Variants in CUL9 observed in about 807,000 individuals in gnomAD.
CUL9 encodes the protein cullin-9.
In CUL9, 79 loss-of-function variants were observed where a neutral mutation model predicts 272.6. That is an observed-to-expected ratio of 0.29 (90% confidence interval 0.24 to 0.35). The LOEUF (loss-of-function observed/expected upper bound fraction) is 0.35. Ranked by LOEUF, CUL9 falls within the 10% of genes least tolerant of loss-of-function variation. CUL9 has a pLI of 1.00. For synonymous variants in CUL9, 1,186 were observed against 1,286.5 expected (o/e 0.92, Z 1.67); for missense variants, 2,532 against 3,255.6 (o/e 0.78, Z 5.41).
intron 26 of CUL9, among the ~76,000 whole-genome samples, chr6:43,212,224 C>T (rs551608437): frequency 6.6e-6 from 1 of 152,220 alleles, no homozygotes; most frequent in Non-Finnish European, 1.5e-5. Flanking sequence ...CACCAGGAGG[C>T]AGGTTCAGCC....
chr6:43,193,955 T>C (rs1773758464), intron 9 of CUL9, among the ~76,000 whole-genome samples: 1 of 152,222 alleles, frequency 6.6e-6, no homozygotes, highest in Non-Finnish European at 1.5e-5. Flanking sequence ...AGTGGCACCC[T>C]TACATAGAAA....
chr6:43,200,770 G>A lies in CUL9; in HGVS notation c.3583G>A (p.Glu1195Lys). ...GGACCACAACCCCAAGACCTACTGG[G>A]AGTCCAACGGCAGCACCGGCTCCCA... ...LTDHNPKTYWESNGSTGSHYI... is the reference protein window; with the variant it reads ...LTDHNPKTYWKSNGSTGSHYI... Residue 1195 changes from glutamate (E) to lysine (K), a missense_variant, in exon 16 of 41, where the codon GAG becomes AAG. Around this residue, in one of 3 missense-constraint regions of CUL9, gnomAD observed 2,218 missense variants for 2,788.6 expected, o/e 0.80. Transcript: ENST00000252050. The surrounding 1 kb of genome is among the most constrained non-coding windows in gnomAD (Gnocchi z 4.0). 6.2e-7 allele frequency: 1 copy of A among 1,614,174 alleles called. No homozygotes were observed. The highest frequency in any genetic ancestry group is 8.5e-7 in the Non-Finnish European group (1 of 1,180,032).
At chr6:43,191,252 T>TTGTGTGTGTGTGTGTGTGTGTGTGTGTG (rs58122260) in intron 8 of CUL9, among the ~76,000 whole-genome samples, 1 of 126,974 alleles carries the variant, frequency 7.9e-6, no homozygotes, top group Non-Finnish European at 1.6e-5. Flanking sequence ...CTAAATTGCA[T>TTGTGTGTGTGTGTGTGTGTGTGTGTGTG]TGTGTGTGTG....
Position 43,213,363 on chromosome 6 carries a change from C to T in CUL9, c.5358+69C>T, listed in dbSNP as rs766818545. 12 of 1,610,482 alleles carry T rather than the reference C, an allele frequency of 7.5e-6. No individual in the cohort carries two copies. Among genetic ancestry groups the T allele is most frequent in the Non-Finnish European group, 1.0e-5 (12 of 1,177,326 alleles). The stretch of plus-strand genomic sequence containing the variant: ...TCTGTCGCTGTTCTCCTCCTAAACC[C>T]TGTTCCTCCTTCATCCTTACTCCCC... On this transcript the variant is annotated intron_variant, in intron 27 of 40. Coordinates refer to ENST00000252050, the MANE Select transcript of CUL9 (RefSeq NM_015089.4). The surrounding 1 kb of genome is among the most constrained non-coding windows in gnomAD (Gnocchi z 5.7).
rs1330332859 is a variant in CUL9 at position 43,202,158 on chromosome 6, G to A, written c.3648-558G>A. 3.3e-5 allele frequency among the ~76,000 whole-genome samples: 5 copies of A among 152,350 alleles called. No homozygotes were observed. In the East Asian group the frequency reaches 9.6e-4, roughly 29 times the overall value. On this transcript the variant is annotated intron_variant, in intron 16 of 40. Transcript: ENST00000252050. Reference sequence around the variant, plus strand: ...TGAAGGCCTCAGTGACAGTATTCTAGTTGAGTACTGAGTGCACGGAAGTTT... The same window carrying A: ...TGAAGGCCTCAGTGACAGTATTCTAATTGAGTACTGAGTGCACGGAAGTTT...
Position 43,203,028 on chromosome 6 carries a change from CG to C in CUL9, c.3754-80del. On this transcript the variant is annotated intron_variant, in intron 17 of 40. Coordinates refer to ENST00000252050, the MANE Select transcript of CUL9 (RefSeq NM_015089.4). This position sits in a 1 kb window ranked among gnomAD's most constrained non-coding sequence, Gnocchi z 5.0. The stretch of plus-strand genomic sequence containing the variant: ...AGAAGTGAAGGGCACACACCATGAC[CG>C]ACTTGGTTACTGTCAACAATTTTTC... 1 of 1,487,540 alleles carries C rather than the reference CG, an allele frequency of 6.7e-7. No homozygotes were observed. Among genetic ancestry groups the C allele is most frequent in the Non-Finnish European group, 9.4e-7 (1 of 1,068,898 alleles). The allele number at this position is 1,487,540 out of a possible 1,614,324, so 92.1% of individuals were successfully genotyped here. A position where few individuals can be genotyped will look rare whatever the true frequency, so the allele number is the denominator to read the frequency against.
In CUL9 at chr6:43,206,463, C is replaced by A. The variant is rs764353684; in HGVS notation, c.5165C>A (p.Thr1722Lys). Residue 1722 changes from threonine (T) to lysine (K), a missense_variant, in exon 26 of 41, where the codon ACA becomes AAA. Thr to Lys is a moderately conservative substitution (Grantham distance 78, BLOSUM62 -1). Around this residue, in one of 3 missense-constraint regions of CUL9, gnomAD observed 2,218 missense variants for 2,788.6 expected, o/e 0.80. Coordinates refer to ENST00000252050, the MANE Select transcript of CUL9 (RefSeq NM_015089.4). The surrounding 1 kb of genome is among the most constrained non-coding windows in gnomAD (Gnocchi z 4.8). ...YLYHPRKCLPTEFCDALDRFS... is the reference protein window; with the variant it reads ...YLYHPRKCLPKEFCDALDRFS... ...TACCATCCCAGAAAGTGCCTTCCCA[C>A]AGAATTCTGTGATGCCCTTGACCGT... The A allele has an allele frequency of 3.7e-6, 6 of 1,614,238 alleles. No individual in the cohort carries two copies. In the Admixed American group the frequency reaches 8.3e-5, roughly 22 times the overall value.
rs750500338 is a variant in CUL9, at chr6:43,186,029, C to T, written c.825C>T (p.Ser275=). ...CGTCCCTCCTGGATCAGCTGAATAG[C>T]AGTCCAGAGCTGGGAGCTGGAGACC... The part of the protein sequence containing the change: ...CVTSLLDQLN[S]SPELGAGDQS... The change falls in exon 4 of 41, where the codon AGC becomes AGT. Residue 275 remains serine (S), a synonymous_variant. Transcript: ENST00000252050. The T allele has an allele frequency of 6.2e-7, 1 of 1,614,228 alleles. No homozygotes were observed. Among genetic ancestry groups the T allele is most frequent in the South Asian group, 1.1e-5 (1 of 91,088 alleles).
In CUL9 at chr6:43,206,240, G is replaced by T. The variant is rs2150591720; in HGVS notation, c.5022+5G>T. 1 of 1,612,300 alleles carries T rather than the reference G, an allele frequency of 6.2e-7. No homozygotes were observed. Among genetic ancestry groups the T allele is most frequent in the Non-Finnish European group, 8.5e-7 (1 of 1,179,046 alleles). On this transcript the variant is annotated splice_donor_5th_base_variant and intron_variant, in intron 25 of 40. Coordinates refer to ENST00000252050, the MANE Select transcript of CUL9 (RefSeq NM_015089.4). The surrounding 1 kb of genome is among the most constrained non-coding windows in gnomAD (Gnocchi z 4.8). Reference sequence around the variant, plus strand: ...AAGAGACTAGAGGAAGAGGAGGTAAGAGCAGGGAGAATAGGAGAGTGAGAG... The same window carrying T: ...AAGAGACTAGAGGAAGAGGAGGTAATAGCAGGGAGAATAGGAGAGTGAGAG...
Position 43,203,043 on chromosome 6 carries a change from C to T in CUL9, c.3754-66C>T. The T allele has an allele frequency of 6.4e-7, 1 of 1,562,042 alleles. No homozygotes were observed. On this transcript the variant is annotated intron_variant, in intron 17 of 40. Coordinates refer to ENST00000252050, the MANE Select transcript of CUL9 (RefSeq NM_015089.4). This position sits in a 1 kb window ranked among gnomAD's most constrained non-coding sequence, Gnocchi z 5.0. ...ACACCATGACCGACTTGGTTACTGT[C>T]AACAATTTTTCCAACCTTGTTTCTG...
chr6:43,188,834 C>T (rs943770584), intron 8 of CUL9, 119 bp downstream of exon 8: 2 of 808,086 alleles, frequency 2.5e-6, no homozygotes, highest in East Asian at 2.6e-5. Context: ...AAGGCTCAGC[C>T]TGAGGAGCAG....
At position 43,198,683 on chromosome 6, in the gene CUL9, T is replaced by A. The variant is rs1562030998; in HGVS notation, c.2878T>A (p.Ser960Thr). 6.2e-7 allele frequency: 1 copy of A among 1,614,192 alleles called. No homozygotes were observed. The highest frequency in any genetic ancestry group is 1.7e-5 in the Admixed American group (1 of 60,026). ...GATTCGATCCCTGGTTGGGGGCCCA[T>A]CTGCAGAACTACTCCTGGACTTGGA... is the stretch of plus-strand genomic sequence containing the variant. ...LLIRSLVGGP[S>T]AELLLDLERV... Residue 960 changes from serine to threonine, a missense_variant, in exon 12 of 41, where the codon TCT becomes ACT. Ser to Thr is a moderately conservative substitution (Grantham distance 58). Coordinates refer to ENST00000252050, the MANE Select transcript of CUL9 (RefSeq NM_015089.4).
At chr6:43,219,865 G>A (rs1776205265) in intron 31 of CUL9, among the ~76,000 whole-genome samples, 1 of 152,218 alleles carries the variant, frequency 6.6e-6, no homozygotes, top group Non-Finnish European at 1.5e-5. Context: ...GGATGGGGGA[G>A]TGACATGGGA....
rs1296159716 is a variant in CUL9 at position 43,220,580 on chromosome 6, C to T, written c.6404C>T (p.Ser2135Leu). ...TGAFIRAIVS[S>L]PEVISKYEKA... ...GCCTTCATTCGTGCCATCGTCTCCT[C>T]GCCAGAGGTCATCTCCAAGGTATCC... The change falls in exon 32 of 41, where the codon TCG (serine) becomes TTG (leucine). Residue 2135 changes from serine (S) to leucine (L), a missense_variant. Physicochemically the swap from Ser to Leu is moderately radical, Grantham distance 145. Coordinates refer to ENST00000252050, the MANE Select transcript of CUL9 (RefSeq NM_015089.4). This position sits in a 1 kb window ranked among gnomAD's most constrained non-coding sequence, Gnocchi z 4.9. The T allele has an allele frequency of 9.3e-6, 15 of 1,614,116 alleles. No individual in the cohort carries two copies. Among genetic ancestry groups the T allele is most frequent in the South Asian group, 2.2e-5 (2 of 91,076 alleles).
At position 43,196,762 on chromosome 6, in the gene CUL9, A is replaced by T; in HGVS notation, c.2703A>T (p.Ser901=). 6.2e-7 allele frequency: 1 copy of T among 1,614,206 alleles called. No individual in the cohort carries two copies. The highest frequency in any genetic ancestry group is 2.2e-5 in the East Asian group (1 of 44,876). ...TGAGAGACACGTTGTTTAGGCACTC[A>T]GGGATAGCACCAAGAACAGAACCTA... ...QELRDTLFRH[S]GIAPRTEPMP... Residue 901 remains serine, a synonymous_variant, in exon 11 of 41, where the codon TCA becomes TCT. Transcript: ENST00000252050.
Position 43,186,423 on chromosome 6 carries a change from C to A in CUL9, c.1219C>A (p.Arg407=), listed in dbSNP as rs535350840. The A allele has an allele frequency of 1.2e-6, 2 of 1,601,172 alleles. No homozygotes were observed. The highest frequency in any genetic ancestry group is 1.7e-6 in the Non-Finnish European group (2 of 1,169,954). Residue 407 remains arginine, a synonymous_variant, in exon 4 of 41, where the codon CGG becomes AGG. Coordinates refer to ENST00000252050, the MANE Select transcript of CUL9 (RefSeq NM_015089.4). The part of the protein sequence containing the change: ...EISAGDEGEF[R]QSNNGIPPVQ... ...CAGTGCTGGGGACGAGGGCGAGTTC[C>A]GGCAGAGCAACAACGGCATTCCCCC...
chr6:43,200,571 G>C lies in CUL9; in HGVS notation c.3475+45G>C. On this transcript the variant is annotated intron_variant, in intron 15 of 40. Transcript: ENST00000252050. This position sits in a 1 kb window ranked among gnomAD's most constrained non-coding sequence, Gnocchi z 4.0. Reference sequence around the variant, plus strand: ...TTCTCCTGGCTCCCATCCAGTGTCTGTTCTCCCCTTCCCTTCCTGCTCCTT... The same window carrying C: ...TTCTCCTGGCTCCCATCCAGTGTCTCTTCTCCCCTTCCCTTCCTGCTCCTT... 1.2e-6 allele frequency: 2 copies of C among 1,613,962 alleles called. No individual in the cohort carries two copies. The highest frequency in any genetic ancestry group is 1.3e-5 in the African/African-American group (1 of 75,018).
chr6:43,220,998 T>G lies in CUL9; in HGVS notation c.6588+87T>G, dbSNP rs1046547098. The G allele has an allele frequency of 3.4e-6, 5 of 1,488,550 alleles. No homozygotes were observed. Among genetic ancestry groups the G allele is most frequent in the Non-Finnish European group, 4.5e-6 (5 of 1,111,530 alleles). The allele number at this position is 1,488,550 out of a possible 1,614,324, so 92.2% of individuals were successfully genotyped here. A position where few individuals can be genotyped will look rare whatever the true frequency, so the allele number is the denominator to read the frequency against. ...TCCCCACCCCGCCACACACACAGACTGTGACTTGTCCTTCCTCAGCCTCTG... is the reference window on the plus strand; with the variant it reads ...TCCCCACCCCGCCACACACACAGACGGTGACTTGTCCTTCCTCAGCCTCTG... On this transcript the variant is annotated intron_variant, in intron 33 of 40. Coordinates refer to ENST00000252050, the MANE Select transcript of CUL9 (RefSeq NM_015089.4). The surrounding 1 kb of genome is among the most constrained non-coding windows in gnomAD (Gnocchi z 4.9).
chr6:43,201,673 G>A (rs577752995), intron 16 of CUL9, among the ~76,000 whole-genome samples: 9 of 152,216 alleles, frequency 5.9e-5, no homozygotes, highest in African/African-American at 2.2e-4. Flanking sequence ...TAGAGACGGG[G>A]TTTCACCGTG....
Sources: gnomAD v4.1 joint callset for allele counts (sites outside exome capture counted in the v4.1 genomes callset) on GRCh38, gnomAD v4.1.1 for gene constraint, gnomAD v4.1.1 regional missense constraint, Gnocchi (gnomAD v3.1) non-coding constraint, MANE v1.5 for transcripts, NCBI Gene and HGNC (gene_info 2026-07-23, HGNC 2026-07-21) for gene names.